CHN2: variants seen among roughly 807,000 people sequenced by gnomAD.
CHN2 encodes beta-chimaerin.
Under a neutral mutation model 56.3 loss-of-function variants are expected in CHN2, and 35 were observed. The ratio of observed to expected loss-of-function variants is 0.62; its 90% CI spans 0.47 to 0.82. CHN2 has a LOEUF of 0.82. Ranked by LOEUF, CHN2 falls within the 40% of genes least tolerant of loss-of-function variation. The pLI is 0.00. For missense variants in CHN2, 491 were observed against 580.5 expected, an observed-to-expected ratio of 0.85 and a Z score of 1.58; for synonymous variants, 210 against 212.8, an observed-to-expected ratio of 0.99 and a Z score of 0.12.
intron 2 of CHN2, among the ~76,000 whole-genome samples, chr7:29,160,535 C>G (rs1012153109): frequency 6.6e-6 from 1 of 152,148 alleles, no homozygotes; most frequent in Non-Finnish European, 1.5e-5. Context: ...CAGTCCTGGT[C>G]AGTGAAATAT....
intron 2 of CHN2, among the ~76,000 whole-genome samples, chr7:29,168,970 A>G (rs1023378989): frequency 3.3e-5 from 5 of 152,242 alleles, no homozygotes; most frequent in African/African-American, 1.2e-4. Flanking sequence ...TAAATGTATA[A>G]TAAATTCTAT....
At chr7:29,355,614 G>A (rs6961818) in intron 2 of CHN2, among the ~76,000 whole-genome samples, 92,866 of 150,646 alleles carry the variant, frequency 0.62, 29,113 homozygotes, top group East Asian at 0.75. Flanking sequence ...GAGCCAGGGT[G>A]CGCAGGCCCT....
chr7:29,439,203 A>G (rs1432876464), intron 6 of CHN2, among the ~76,000 whole-genome samples: 1 of 152,244 alleles, frequency 6.6e-6, no homozygotes, highest in Non-Finnish European at 1.5e-5. Context: ...TATTGTCATC[A>G]TGAATATTTA....
At chr7:29,427,656 CTTT>C (rs754677450) in intron 6 of CHN2, among the ~76,000 whole-genome samples, 5 of 120,390 alleles carry the variant, frequency 4.2e-5, no homozygotes, top group Admixed American at 8.9e-5. Context: ...ATTTTTTATT[CTTT>C]TTTTTTTTTT....
chr7:29,276,540 C>T (rs77841172), intron 1 of CHN2, among the ~76,000 whole-genome samples: 5,747 of 152,226 alleles, frequency 0.038, 353 homozygotes, highest in African/African-American at 0.13. Flanking sequence ...ATCTCAGTTC[C>T]GCCACTTAAA....
chr7:29,416,767 T>C (rs1382241205), intron 6 of CHN2, among the ~76,000 whole-genome samples: 1 of 147,978 alleles, frequency 6.8e-6, no homozygotes, highest in Admixed American at 6.7e-5. Flanking sequence ...TGCATATGTA[T>C]GTATGCGTGT....
At chr7:29,374,340 A>T (rs1307098140) in intron 3 of CHN2, among the ~76,000 whole-genome samples, 1 of 152,038 alleles carries the variant, frequency 6.6e-6, no homozygotes, top group African/African-American at 2.4e-5. Flanking sequence ...TTAGAAATAA[A>T]ATTTTGACAT....
chr7:29,429,995 G>T (rs184880096), intron 6 of CHN2, among the ~76,000 whole-genome samples: 218 of 152,252 alleles, frequency 1.4e-3, no homozygotes, highest in African/African-American at 4.9e-3. Flanking sequence ...AAGGAGAAAA[G>T]GTAAATCCAC....
At chr7:29,222,717 C>T (rs1280389608) in intron 1 of CHN2, among the ~76,000 whole-genome samples, 1 of 152,044 alleles carries the variant, frequency 6.6e-6, no homozygotes, top group Non-Finnish European at 1.5e-5. Context: ...CAATAAAAAT[C>T]AGTTAATTTT....
At chr7:29,408,862 C>T (rs1802908271) in intron 6 of CHN2, among the ~76,000 whole-genome samples, 1 of 152,164 alleles carries the variant, frequency 6.6e-6, no homozygotes, top group South Asian at 2.1e-4. Context: ...ACGCCAAACC[C>T]TCCTTGTCCC....
At chr7:29,196,237 G>A (rs145692669) in intron 1 of CHN2, among the ~76,000 whole-genome samples, 3 of 152,314 alleles carry the variant, frequency 2.0e-5, no homozygotes, top group East Asian at 3.9e-4. Context: ...GGCACAAGGT[G>A]ATCACTTGAA....
At chr7:29,426,572 C>A (rs1804882932) in intron 6 of CHN2, among the ~76,000 whole-genome samples, 1 of 152,194 alleles carries the variant, frequency 6.6e-6, no homozygotes, top group Non-Finnish European at 1.5e-5. Context: ...TATCCAGTCT[C>A]TCTGGAGTTA....
chr7:29,337,908 G>T (rs538817122), intron 1 of CHN2, among the ~76,000 whole-genome samples: 1 of 152,198 alleles, frequency 6.6e-6, no homozygotes, highest in Admixed American at 6.5e-5. Flanking sequence ...TATTTTTAAA[G>T]CAAGTGATAA....
chr7:29,435,899 T>C (rs990813165), intron 6 of CHN2, among the ~76,000 whole-genome samples: 1 of 151,278 alleles, frequency 6.6e-6, no homozygotes, highest in Non-Finnish European at 1.5e-5. Flanking sequence ...GCCTCCTTTT[T>C]TTTTTTTTTT....
intron 1 of CHN2, among the ~76,000 whole-genome samples, chr7:29,295,032 T>A (rs1462428545): frequency 6.6e-6 from 1 of 152,218 alleles, no homozygotes; most frequent in African/African-American, 2.4e-5. Context: ...TCAAGTCTCT[T>A]ATATAAAATA....
At chr7:29,487,699 C>G (rs567758222) in intron 7 of CHN2, among the ~76,000 whole-genome samples, 1 of 151,940 alleles carries the variant, frequency 6.6e-6, no homozygotes, top group South Asian at 2.1e-4. Flanking sequence ...TCTTTCTCTC[C>G]CCCTCCCTCC....
chr7:29,229,729 T>A (rs989572594), intron 1 of CHN2, among the ~76,000 whole-genome samples: 3 of 152,166 alleles, frequency 2.0e-5, no homozygotes, highest in Non-Finnish European at 4.4e-5. Context: ...ATGCCTGTAA[T>A]ATTAACTCTT....
At chr7:29,443,550 T>G (rs1440457048) in intron 6 of CHN2, among the ~76,000 whole-genome samples, 2 of 152,188 alleles carry the variant, frequency 1.3e-5, no homozygotes, top group African/African-American at 4.8e-5. Context: ...CACACATCTG[T>G]CATCATAGGT....
At chr7:29,250,741 TC>T (rs1421025865) in intron 1 of CHN2, among the ~76,000 whole-genome samples, 9 of 150,950 alleles carry the variant, frequency 6.0e-5, no homozygotes, top group East Asian at 3.9e-4. Context: ...GGCAGAGTCT[TC>T]CTCTGTCACC....
Sources: allele counts gnomAD v4.1 joint callset (sites outside exome capture counted in the v4.1 genomes callset), GRCh38; gene constraint gnomAD v4.1.1; transcripts MANE v1.5; gene names NCBI Gene and HGNC (gene_info 2026-07-23, HGNC 2026-07-21).